The following SLC38A11 variants were observed in gnomAD, a reference collection of about 807,000 sequenced individuals.
SLC38A11 encodes the protein putative sodium-coupled neutral amino acid transporter 11.
Under a neutral mutation model 49.4 loss-of-function variants are expected in SLC38A11, and 51 were observed. That is an observed-to-expected ratio of 1.03 (90% CI 0.83 to 1.30). The LOEUF (loss-of-function observed/expected upper bound fraction) is 1.30, where lower values mean the gene tolerates loss of function less well. SLC38A11 is among the 50% of genes most tolerant of loss of function. The pLI is 0.00. For synonymous variants in SLC38A11, 203 were observed against 192.9 expected (o/e 1.05, Z -0.43); for missense variants, 574 against 556.2 (o/e 1.03, Z -0.32).
intron 7 of SLC38A11, among the ~76,000 whole-genome samples, chr2:164,921,883 C>T (rs1686230393): frequency 6.6e-6 from 1 of 152,166 alleles, no homozygotes. Flanking sequence ...CAATTAATTA[C>T]TTCCCTTACC....
intron 6 of SLC38A11, 39 bp downstream of exon 6, chr2:164,939,403 CAGGCAACA>C (rs1687591325): frequency 1.2e-5 from 16 of 1,280,482 alleles, no homozygotes; most frequent in Non-Finnish European, 1.8e-5. Flanking sequence ...GTAGATTATG[CAGGCAACA>C]AGGTACATTT....
rs115862603 is a variant in SLC38A11, at chr2:164,919,558, T to C, written c.618-3585A>G. Among the ~76,000 whole-genome samples the C allele has an allele frequency of 4.1e-3, 621 of 152,252 alleles. 1 individual carries two copies. Among genetic ancestry groups the C allele is most frequent in the African/African-American group, 0.013 (538 of 41,536 alleles). On this transcript the variant is annotated intron_variant, in intron 7 of 11. Coordinates refer to ENST00000685975, the MANE Select transcript of SLC38A11 (RefSeq NM_001351537.2). ...ATGCATACACAGTTGTCCCTTGGTA[T>C]GTGGGAGGGATTGGTTCCAGGACCC...
At chr2:164,915,472 T>C (rs1388006605) in intron 8 of SLC38A11, 199 bp from the exon 9 acceptor site, 5 of 508,340 alleles carry the variant, frequency 9.8e-6, no homozygotes, top group Admixed American at 3.6e-5. Flanking sequence ...TATGTGGTCT[T>C]TTCATGTTAC....
chr2:164,948,213 A>C lies in SLC38A11; in HGVS notation c.230-2486T>G, dbSNP rs80141509. 5.3e-3 allele frequency among the ~76,000 whole-genome samples: 807 copies of C among 152,320 alleles called. 6 individuals are homozygous for C. The highest frequency in any genetic ancestry group is 0.019 in the African/African-American group (777 of 41,574). On this transcript the variant is annotated intron_variant, in intron 3 of 11. Transcript: ENST00000685975. ...ACCACAATGCCTACTGTCTTATAGA[A>C]GCTGAGTGGGAACTAACGCTATTTC... is the stretch of plus-strand genomic sequence containing the variant.
chr2:164,953,050 A>C, intron 2 of SLC38A11: 1 of 371,058 alleles, frequency 2.7e-6, no homozygotes, highest in Non-Finnish European at 4.9e-6. Context: ...ATGAAAAACA[A>C]ATGCCAGTTC....
Position 164,920,670 on chromosome 2 carries a change from CT to C in SLC38A11, c.618-4698del, listed in dbSNP as rs571709781. Among the ~76,000 whole-genome samples the C allele has an allele frequency of 2.2e-4, 34 of 152,124 alleles. 1 individual carries two copies. In the South Asian group the frequency reaches 4.8e-3, roughly 21 times the overall value. ...AGAGGTGATTCACTTTACAAAACCCCTGTGTGTGCAGGACTCAGAGATACCA... is the reference window on the plus strand; with the variant it reads ...AGAGGTGATTCACTTTACAAAACCCCGTGTGTGCAGGACTCAGAGATACCA... On this transcript the variant is annotated intron_variant, in intron 7 of 11. Coordinates refer to ENST00000685975, the MANE Select transcript of SLC38A11 (RefSeq NM_001351537.2).
chr2:164,918,157 G>C (rs1382649406), intron 7 of SLC38A11, among the ~76,000 whole-genome samples: 1 of 151,716 alleles, frequency 6.6e-6, no homozygotes. Context: ...ACTCAACCTG[G>C]ATGGAAACAT....
intron 7 of SLC38A11, among the ~76,000 whole-genome samples, chr2:164,916,957 T>C (rs1410067587): frequency 1.3e-5 from 2 of 152,186 alleles, no homozygotes; most frequent in Non-Finnish European, 2.9e-5. Context: ...GGGATAATTG[T>C]AGTATCTAAC....
intron 7 of SLC38A11, among the ~76,000 whole-genome samples, chr2:164,926,588 C>T (rs961784706): frequency 6.6e-6 from 1 of 151,744 alleles, no homozygotes; most frequent in African/African-American, 2.4e-5. Context: ...ACACTATTCA[C>T]AATAGCAAAG....
chr2:164,953,094 C>G, intron 2 of SLC38A11: 1 of 284,898 alleles, frequency 3.5e-6, no homozygotes. Context: ...GTAAGAGTGA[C>G]ATAGCCCTGC....
At chr2:164,916,868 C>T (rs554053908) in intron 7 of SLC38A11, among the ~76,000 whole-genome samples, 3 of 152,094 alleles carry the variant, frequency 2.0e-5, no homozygotes, top group Non-Finnish European at 2.9e-5. Context: ...TTCTTCTGGC[C>T]TCCTTCCACT....
chr2:164,933,272 TG>T (rs1200204415), intron 7 of SLC38A11, among the ~76,000 whole-genome samples: 1 of 152,092 alleles, frequency 6.6e-6, no homozygotes, highest in Non-Finnish European at 1.5e-5. Flanking sequence ...ATAATGCCTC[TG>T]ATTCTAGTTA....
intron 9 of SLC38A11, among the ~76,000 whole-genome samples, chr2:164,914,810 G>A (rs1685655690): frequency 1.3e-5 from 2 of 152,152 alleles, no homozygotes; most frequent in Admixed American, 1.3e-4. Flanking sequence ...TATTTGCTCT[G>A]AAGATTGGGA....
intron 10 of SLC38A11, among the ~76,000 whole-genome samples, chr2:164,910,287 C>T (rs1412923600): frequency 6.6e-6 from 1 of 152,080 alleles, no homozygotes; most frequent in East Asian, 1.9e-4. Flanking sequence ...TGAAGTGACT[C>T]AGATCGTCTG....
At chr2:164,903,504 G>C (rs1364461304) in intron 11 of SLC38A11, among the ~76,000 whole-genome samples, 1 of 152,126 alleles carries the variant, frequency 6.6e-6, no homozygotes, top group Non-Finnish European at 1.5e-5. Flanking sequence ...TTAGATACCA[G>C]CTACTTTCTT....
chr2:164,933,307 T>C (rs1045790268), intron 7 of SLC38A11, among the ~76,000 whole-genome samples: 5 of 152,068 alleles, frequency 3.3e-5, no homozygotes, highest in Admixed American at 2.6e-4. Context: ...AGAACTGTTA[T>C]TGTATTTTTA....
intron 3 of SLC38A11, among the ~76,000 whole-genome samples, chr2:164,946,782 T>G (rs1393998759): frequency 2.6e-5 from 4 of 152,108 alleles, no homozygotes; most frequent in Admixed American, 2.0e-4. Flanking sequence ...TTTTTATCCA[T>G]TAAGTAATAT....
chr2:164,903,632 A>G (rs1373354431), intron 11 of SLC38A11, among the ~76,000 whole-genome samples: 1 of 152,218 alleles, frequency 6.6e-6, no homozygotes, highest in Non-Finnish European at 1.5e-5. Context: ...GATTTGATCT[A>G]TTTAATGTAG....
At chr2:164,939,372 A>G in intron 6 of SLC38A11, 78 bp downstream of exon 6, 1 of 898,756 alleles carries the variant, frequency 1.1e-6, no homozygotes, top group Non-Finnish European at 1.7e-6. Flanking sequence ...TACCGTAATT[A>G]AGAACTTTGC....
Sources: gnomAD v4.1 joint callset for allele counts (sites outside exome capture counted in the v4.1 genomes callset) on GRCh38, gnomAD v4.1.1 for gene constraint, MANE v1.5 for transcripts, NCBI Gene and HGNC (gene_info 2026-07-23, HGNC 2026-07-21) for gene names.